NRDC: variants seen among roughly 807,000 people sequenced by gnomAD.
NRDC encodes the protein nardilysin convertase.
NRDC carries 54 observed loss-of-function variants against 147.1 expected under a neutral mutation model. The ratio of observed to expected loss-of-function variants is 0.37; its 90% confidence interval spans 0.29 to 0.46. The LOEUF (loss-of-function observed/expected upper bound fraction) is 0.46. Ranked by LOEUF, NRDC falls within the 20% of genes least tolerant of loss-of-function variation. The probability of loss-of-function intolerance (pLI) is 1.00; values close to 1 mark genes in which losing one functional copy is unlikely to be tolerated. For synonymous variants in NRDC, 440 were observed against 482.1 expected, an observed-to-expected ratio of 0.91 and a Z score of 1.14; for missense variants, 1,082 against 1,370.6, an observed-to-expected ratio of 0.79 and a Z score of 3.33.
chr1:51,790,538 G>T lies in NRDC; in HGVS notation c.3163C>A (p.His1055Asn), dbSNP rs1306203048. ...TQQYLFDRLA[H>N]EIEALKSFSK... ...TACTCTGAAAACCATGTTACCTCGT[G>T]GGCAAGGCGGTCAAAGAGGTACTGC... is the stretch of plus-strand genomic sequence containing the variant. Residue 1055 changes from histidine (H) to asparagine (N), a missense_variant, in exon 29 of 31, where the codon CAC (histidine) becomes AAC (asparagine). By Grantham distance (68) the His-to-Asn change is moderately conservative. Around this residue, in one of 3 missense-constraint regions of NRDC, gnomAD observed 187 missense variants for 193.6 expected, o/e 0.97. Transcript: ENST00000352171. The T allele has an allele frequency of 6.2e-7, 1 of 1,607,014 alleles. No homozygotes were observed. Among genetic ancestry groups the T allele is most frequent in the Non-Finnish European group, 8.5e-7 (1 of 1,173,602 alleles).
At chr1:51,839,947 T>A (rs1051851241) in intron 2 of NRDC, 5 of 248,498 alleles carry the variant, frequency 2.0e-5, no homozygotes, top group Non-Finnish European at 3.0e-5. Context: ...TACACATAAA[T>A]TCAAATACCT....
chr1:51,869,778 A>C (rs1682994694), intron 1 of NRDC, among the ~76,000 whole-genome samples: 1 of 152,244 alleles, frequency 6.6e-6, no homozygotes, highest in African/African-American at 2.4e-5. Flanking sequence ...TTACTATGCC[A>C]AGCACAAGCT....
At chr1:51,840,768 G>T (rs1307128412) in intron 1 of NRDC, among the ~76,000 whole-genome samples, 1 of 152,082 alleles carries the variant, frequency 6.6e-6, no homozygotes, top group South Asian at 2.1e-4. Context: ...TTTAAATTTT[G>T]AACTACATAA....
At chr1:51,791,912 T>C (rs1321805674) in intron 26 of NRDC, 134 bp downstream of exon 26, 6 of 927,416 alleles carry the variant, frequency 6.5e-6, no homozygotes, top group Non-Finnish European at 9.9e-6. Flanking sequence ...TTCCAAAAGT[T>C]TGGATGACTA....
chr1:51,807,709 A>G (rs1435980359), intron 17 of NRDC, among the ~76,000 whole-genome samples: 1 of 152,176 alleles, frequency 6.6e-6, no homozygotes, highest in Non-Finnish European at 1.5e-5. Context: ...CCTAACTCAG[A>G]AAACCAAAAT....
At position 51,798,236 on chromosome 1, in the gene NRDC, A is replaced by C. The variant is rs1280199804; in HGVS notation, c.2604+13T>G. The C allele has an allele frequency of 1.2e-6, 2 of 1,613,862 alleles. No homozygotes were observed. The highest frequency in any genetic ancestry group is 3.3e-5 in the Admixed American group (2 of 60,018). ...TGCATTCAGACCTGGCCTACAGAGC[A>C]TCTCACACTCACTGTGCTTGTGACA... On this transcript the variant is annotated intron_variant, in intron 22 of 30. Coordinates refer to ENST00000352171, the MANE Select transcript of NRDC (RefSeq NM_001101662.2).
chr1:51,818,258 G>T, intron 9 of NRDC, 123 bp from the exon 10 acceptor site: 1 of 603,198 alleles, frequency 1.7e-6, no homozygotes, highest in Non-Finnish European at 2.7e-6. Flanking sequence ...GTACAATGCA[G>T]TTATTGTTTC....
chr1:51,809,491 T>A (rs530843588), intron 16 of NRDC, 90 bp from the exon 17 acceptor site: 2 of 871,520 alleles, frequency 2.3e-6, no homozygotes, highest in Admixed American at 1.8e-5. Context: ...GGCTTACAAA[T>A]CAATTATCCT....
intron 1 of NRDC, among the ~76,000 whole-genome samples, chr1:51,870,783 T>C (rs1236319333): frequency 1.4e-5 from 2 of 144,106 alleles, no homozygotes; most frequent in South Asian, 2.1e-4. Flanking sequence ...CAGACAGTAT[T>C]AATAATTAGT....
intron 5 of NRDC, among the ~76,000 whole-genome samples, chr1:51,826,139 GTT>G (rs2149212190): frequency 6.6e-6 from 1 of 152,130 alleles, no homozygotes; most frequent in African/African-American, 2.4e-5. Flanking sequence ...CAATTCTGTG[GTT>G]TATAAGCCAC....
chr1:51,808,193 G>T (rs1440186046), intron 17 of NRDC, among the ~76,000 whole-genome samples: 1 of 152,094 alleles, frequency 6.6e-6, no homozygotes, highest in African/African-American at 2.4e-5. Flanking sequence ...CAATTCAGAA[G>T]CATTAATACA....
chr1:51,855,339 T>C (rs1266386257), intron 1 of NRDC, among the ~76,000 whole-genome samples: 1 of 152,170 alleles, frequency 6.6e-6, no homozygotes, highest in African/African-American at 2.4e-5. Flanking sequence ...AGTGTGGTTA[T>C]GTCCTTATTG....
At chr1:51,846,752 G>A (rs747609264) in intron 1 of NRDC, among the ~76,000 whole-genome samples, 12 of 152,332 alleles carry the variant, frequency 7.9e-5, no homozygotes, top group South Asian at 4.1e-4. Flanking sequence ...ATCACCCCAG[G>A]AGCCTGCAGC....
intron 2 of NRDC, chr1:51,837,334 A>G: frequency 1.6e-6 from 1 of 609,964 alleles, no homozygotes. Context: ...TCAGAAAATG[A>G]GTGTGTTTTC....
chr1:51,832,536 G>A (rs958034810), intron 4 of NRDC, among the ~76,000 whole-genome samples: 9 of 152,142 alleles, frequency 5.9e-5, no homozygotes, highest in African/African-American at 2.2e-4. Context: ...CTGCTCTGAA[G>A]GAGCTTACAT....
chr1:51,877,300 C>T (rs1344332111), intron 1 of NRDC, among the ~76,000 whole-genome samples: 1 of 152,174 alleles, frequency 6.6e-6, no homozygotes, highest in Non-Finnish European at 1.5e-5. Flanking sequence ...GAAGCAAACT[C>T]TTTGGGTCTC....
intron 1 of NRDC, among the ~76,000 whole-genome samples, chr1:51,855,291 G>T (rs1203301881): frequency 6.6e-6 from 1 of 152,144 alleles, no homozygotes; most frequent in African/African-American, 2.4e-5. Context: ...GTAGCATCCT[G>T]AAAATAAATG....
intron 26 of NRDC, among the ~76,000 whole-genome samples, 172 bp from the exon 27 acceptor site, chr1:51,791,833 C>T (rs1571834135): frequency 6.6e-6 from 1 of 152,294 alleles, no homozygotes; most frequent in East Asian, 1.9e-4. Flanking sequence ...TTGGGGACCA[C>T]AAACTAGCCT....
chr1:51,834,568 G>A (rs547975350), intron 3 of NRDC, among the ~76,000 whole-genome samples: 3 of 151,902 alleles, frequency 2.0e-5, no homozygotes, highest in East Asian at 3.9e-4. Context: ...TGCCCACCTC[G>A]GCCTCCCAAA....
Sources: allele counts gnomAD v4.1 joint callset (sites outside exome capture counted in the v4.1 genomes callset), GRCh38; gene constraint gnomAD v4.1.1; regional missense constraint gnomAD v4.1.1; transcripts MANE v1.5; gene names NCBI Gene and HGNC (gene_info 2026-07-23, HGNC 2026-07-21).